KALRN: variants seen among roughly 807,000 people sequenced by gnomAD.
KALRN encodes the protein kalirin RhoGEF kinase.
A neutral mutation model predicts 353.7 loss-of-function variants in KALRN; 70 were observed. That is an observed-to-expected ratio of 0.20 (90% confidence interval 0.16 to 0.24). The LOEUF is 0.24. Ranked by LOEUF, KALRN falls within the 10% of genes least tolerant of loss-of-function variation. The pLI is 1.00. For missense variants in KALRN, 2,791 were observed against 3,756.7 expected, an observed-to-expected ratio of 0.74 and a Z score of 6.72; for synonymous variants, 1,391 against 1,434.8, an observed-to-expected ratio of 0.97 and a Z score of 0.69.
At chr3:124,349,278 T>C (rs940123799) in intron 10 of KALRN, among the ~76,000 whole-genome samples, 4 of 152,068 alleles carry the variant, frequency 2.6e-5, no homozygotes, top group African/African-American at 9.7e-5. Context: ...GTGAAATTCA[T>C]GGAGATGGAA....
At chr3:124,652,743 A>C (rs1159173363) in intron 38 of KALRN, among the ~76,000 whole-genome samples, 6 of 151,802 alleles carry the variant, frequency 4.0e-5, no homozygotes, top group Non-Finnish European at 8.8e-5. Flanking sequence ...GCATCTGGCT[A>C]ATTTTTTGTA....
intron 1 of KALRN, among the ~76,000 whole-genome samples, chr3:124,063,504 G>T (rs368599622): frequency 9.9e-5 from 15 of 152,238 alleles, no homozygotes; most frequent in East Asian, 3.9e-4. Flanking sequence ...AAGTGATGTG[G>T]GTGCGATGGG....
chr3:124,510,538 G>A (rs2065784489), intron 33 of KALRN, among the ~76,000 whole-genome samples: 1 of 151,652 alleles, frequency 6.6e-6, no homozygotes, highest in East Asian at 1.9e-4. Flanking sequence ...TTTTGTTTCA[G>A]CATGATGATT....
At chr3:124,103,644 A>G (rs1365492751) in intron 1 of KALRN, among the ~76,000 whole-genome samples, 1 of 152,116 alleles carries the variant, frequency 6.6e-6, no homozygotes. Flanking sequence ...TTACAATTCA[A>G]ACTCCTGAAA....
At chr3:124,525,305 GAA>G (rs941124829) in intron 33 of KALRN, among the ~76,000 whole-genome samples, 8 of 152,156 alleles carry the variant, frequency 5.3e-5, no homozygotes, top group Non-Finnish European at 1.0e-4. Flanking sequence ...GTGGAATAAG[GAA>G]AGTTATTCTA....
At chr3:124,246,863 A>C (rs1366147840) in intron 3 of KALRN, among the ~76,000 whole-genome samples, 1 of 152,202 alleles carries the variant, frequency 6.6e-6, no homozygotes, top group Non-Finnish European at 1.5e-5. Context: ...TTTGGCTGGA[A>C]TATTGAAAAT....
intron 1 of KALRN, among the ~76,000 whole-genome samples, 154 bp from the exon 2 acceptor site, chr3:124,227,836 C>A (rs140198496): frequency 5.9e-4 from 90 of 152,036 alleles, no homozygotes; most frequent in African/African-American, 1.9e-3. Flanking sequence ...CCTTCTGTTG[C>A]AGACCCTCTC....
chr3:124,049,431 T>C (rs148334257), intron 1 of KALRN, among the ~76,000 whole-genome samples: 63 of 152,284 alleles, frequency 4.1e-4, no homozygotes, highest in African/African-American at 1.4e-3. Context: ...GAGGTAAACA[T>C]ACTTGCCCTG....
rs199621044 is a variant in KALRN at position 124,478,451 on chromosome 3, T to G, written c.4191+1117T>G. Reference sequence around the variant, plus strand: ...GGCACTGCCTCAACAGAAATGATCCTACAAATGTCTTGTTGCTCAGTAAAG... The same window carrying G: ...GGCACTGCCTCAACAGAAATGATCCGACAAATGTCTTGTTGCTCAGTAAAG... On this transcript the variant is annotated intron_variant, in intron 27 of 59. Coordinates refer to ENST00000682506, the MANE Select transcript of KALRN (RefSeq NM_001388419.1). Among the ~76,000 whole-genome samples, 5 of 152,326 alleles carry G rather than the reference T, an allele frequency of 3.3e-5. No individual in the cohort carries two copies. In the East Asian group the frequency reaches 7.7e-4, roughly 23 times the overall value.
At chr3:124,321,344 A>T in intron 6 of KALRN, among the ~76,000 whole-genome samples, 1 of 152,276 alleles carries the variant, frequency 6.6e-6, no homozygotes, top group Non-Finnish European at 1.5e-5. Flanking sequence ...GATAACTTGC[A>T]TAAATGATTA....
intron 50 of KALRN, among the ~76,000 whole-genome samples, chr3:124,679,219 G>A (rs2087524422): frequency 6.6e-6 from 1 of 152,208 alleles, no homozygotes; most frequent in Non-Finnish European, 1.5e-5. Flanking sequence ...GCTTCATTTT[G>A]CTTCCATTGC....
At chr3:124,669,411 T>C (rs902224347) in intron 47 of KALRN, among the ~76,000 whole-genome samples, 7 of 152,166 alleles carry the variant, frequency 4.6e-5, no homozygotes, top group Non-Finnish European at 1.0e-4. Context: ...GTTATGCAAA[T>C]GGAGGCTGGT....
Position 124,474,771 on chromosome 3 carries a change from A to G in KALRN, c.4101+39A>G, listed in dbSNP as rs201415032. ...AATCCTTCTCCCACTGCCCATACAC[A>G]TGGCACCACTCTTCAGTGCCTGACC... On this transcript the variant is annotated intron_variant, in intron 26 of 59. Transcript: ENST00000682506. The G allele has an allele frequency of 8.0e-5, 117 of 1,470,674 alleles. 1 individual carries two copies. Among genetic ancestry groups the G allele is most frequent in the Middle Eastern group, 7.0e-4 (4 of 5,700 alleles). 91.1% of individuals were successfully genotyped at this position (1,470,674 alleles called of 1,614,324 possible).
chr3:124,651,573 A>G (rs1195979636), intron 38 of KALRN, among the ~76,000 whole-genome samples: 1 of 152,004 alleles, frequency 6.6e-6, no homozygotes, highest in East Asian at 1.9e-4. Flanking sequence ...TCAAGAATAT[A>G]CCACATACCA....
At chr3:124,461,807 C>A in intron 23 of KALRN, 83 bp from the exon 24 acceptor site, 1 of 933,478 alleles carries the variant, frequency 1.1e-6, no homozygotes, top group African/African-American at 1.7e-5. Flanking sequence ...GAATGTCATA[C>A]ATGCTGGGGT....
chr3:124,677,673 C>T lies in KALRN; in HGVS notation c.7194-517C>T, dbSNP rs974996910. ...GCCACAGAAAATCCTGTCTGATCAA[C>T]ATTGTTTGGGAGTGGCCCTGCCCAA... On this transcript the variant is annotated intron_variant, in intron 49 of 59. Coordinates refer to ENST00000682506, the MANE Select transcript of KALRN (RefSeq NM_001388419.1). 11 of 450,130 alleles carry T rather than the reference C, an allele frequency of 2.4e-5. No homozygotes were observed. In the Admixed American group the frequency reaches 2.6e-4, roughly 11 times the overall value. 27.9% of individuals were successfully genotyped at this position (450,130 alleles called of 1,614,324 possible).
rs1411775090 is a variant in KALRN at position 124,234,701 on chromosome 3, G to C, written c.149-128G>C. ...AGACCCCCCCACCTTGTCCTAAGCAGTGACCAGATTTCTCTGGATACCCTA... is the reference window on the plus strand; with the variant it reads ...AGACCCCCCCACCTTGTCCTAAGCACTGACCAGATTTCTCTGGATACCCTA... On this transcript the variant is annotated intron_variant, in intron 2 of 59. Coordinates refer to ENST00000682506, the MANE Select transcript of KALRN (RefSeq NM_001388419.1). The C allele has an allele frequency of 1.3e-5, 9 of 698,052 alleles. No individual in the cohort carries two copies. The East Asian group carries it at 2.4e-4, about 19-fold the overall frequency. 43.2% of individuals were successfully genotyped at this position (698,052 alleles called of 1,614,324 possible).
chr3:124,189,466 A>T (rs1012420630), intron 1 of KALRN, among the ~76,000 whole-genome samples: 3 of 152,194 alleles, frequency 2.0e-5, no homozygotes, highest in Non-Finnish European at 4.4e-5. Flanking sequence ...CTGACCATCA[A>T]TTCTTGACTC....
intron 51 of KALRN, among the ~76,000 whole-genome samples, chr3:124,691,333 CA>C (rs1472373012): frequency 6.6e-6 from 1 of 152,170 alleles, no homozygotes; most frequent in Non-Finnish European, 1.5e-5. Flanking sequence ...GAGGCTGAGG[CA>C]GGGGAATCAC....
Sources: gnomAD v4.1 joint callset for allele counts (sites outside exome capture counted in the v4.1 genomes callset) on GRCh38, gnomAD v4.1.1 for gene constraint, MANE v1.5 for transcripts, NCBI Gene and HGNC (gene_info 2026-07-23, HGNC 2026-07-21) for gene names.